TF: variants seen among roughly 807,000 people sequenced by gnomAD.
The protein encoded by TF is transferrin, also known as serotransferrin.
TF carries 55 observed loss-of-function variants against 82.4 expected under a neutral mutation model. The ratio of observed to expected loss-of-function variants is 0.67; its 90% confidence interval spans 0.54 to 0.84. The LOEUF (loss-of-function observed/expected upper bound fraction) is 0.84, where lower values mean the gene tolerates loss of function less well. Among genes scored for constraint, TF ranks in the 40% least tolerant of loss-of-function variants. TF has a pLI of 0.00. For synonymous variants in TF, 332 were observed against 332.6 expected, an observed-to-expected ratio of 1.00 and a Z score of 0.02; for missense variants, 737 against 868.4, an observed-to-expected ratio of 0.85 and a Z score of 1.90.
intron 2 of TF, among the ~76,000 whole-genome samples, chr3:133,753,170 C>T (rs755315588): frequency 1.2e-4 from 18 of 152,204 alleles, no homozygotes; most frequent in Non-Finnish European, 2.4e-4. Context: ...GTAAGAAGAG[C>T]GTGGCCAGCC....
the TF span, among the ~76,000 whole-genome samples, chr3:133,730,212 G>T: frequency 4.0e-4 from 61 of 152,268 alleles, no homozygotes; most frequent in African/African-American, 1.4e-3. Flanking sequence ...GTCCTAGAGG[G>T]GACAGGAAGG....
the TF span, among the ~76,000 whole-genome samples, chr3:133,681,723 C>A: frequency 6.6e-6 from 1 of 152,212 alleles, no homozygotes; most frequent in African/African-American, 2.4e-5. Flanking sequence ...TGGGTGAAGC[C>A]CACTGCAGCT....
At chr3:133,771,503 C>T (rs1019593367) in intron 14 of TF, among the ~76,000 whole-genome samples, 6 of 151,160 alleles carry the variant, frequency 4.0e-5, no homozygotes, top group South Asian at 2.1e-4. Context: ...TTTGGGAGGC[C>T]GAGGCGGGTG....
In TF at chr3:133,780,633, TAA is replaced by T. The variant is rs1934496184; in HGVS notation, c.*2014_*2015del. On this transcript the variant is annotated 3_prime_UTR_variant, in exon 17 of 17. Transcript: ENST00000402696. Reference sequence around the variant, plus strand: ...GGCCAATCCAATTATACAAGAAAAATAAGTTATAATATTTAAAGAAATGCCAA... The same window carrying T: ...GGCCAATCCAATTATACAAGAAAAATGTTATAATATTTAAAGAAATGCCAA... The T allele has an allele frequency of 6.6e-6, 1 of 152,082 alleles. No homozygotes were observed. The highest frequency in any genetic ancestry group is 1.5e-5 in the Non-Finnish European group (1 of 68,006). The allele number at this position is 152,082 out of a possible 1,614,324, so 9.4% of individuals were successfully genotyped here. A position where few individuals can be genotyped will look rare whatever the true frequency, so the allele number is the denominator to read the frequency against.
the TF span, among the ~76,000 whole-genome samples, chr3:133,737,838 A>T: frequency 6.6e-5 from 10 of 152,346 alleles, no homozygotes; most frequent in Admixed American, 2.0e-4. Context: ...ACCAAGAAAA[A>T]ATAGCCCAGG....
At chr3:133,685,212 TA>T in the TF span, among the ~76,000 whole-genome samples, 1 of 152,198 alleles carries the variant, frequency 6.6e-6, no homozygotes, top group Non-Finnish European at 1.5e-5. Flanking sequence ...CTCAAAATAA[TA>T]AGAGCTATCT....
intron 2 of TF, among the ~76,000 whole-genome samples, chr3:133,749,980 C>G (rs1576355045): frequency 6.6e-6 from 1 of 152,192 alleles, no homozygotes. Context: ...GCTGGCAGTT[C>G]TCTCGATTAG....
chr3:133,730,890 C>G, the TF span, among the ~76,000 whole-genome samples: 1 of 152,060 alleles, frequency 6.6e-6, no homozygotes, highest in African/African-American at 2.4e-5. Flanking sequence ...TAAGTAGATG[C>G]TACCCTAGGG....
Position 133,795,569 on chromosome 3 carries a change from A to C in TF, c.*16949A>C, listed in dbSNP as rs1576376805. 1.7e-5 allele frequency: 2 copies of C among 114,528 alleles called. No homozygotes were observed. The highest frequency in any genetic ancestry group is 6.3e-5 in the African/African-American group (2 of 31,780). The allele number at this position is 114,528 out of a possible 1,614,324, so 7.1% of individuals were successfully genotyped here. A position where few individuals can be genotyped will look rare whatever the true frequency, so the allele number is the denominator to read the frequency against. On this transcript the variant is annotated 3_prime_UTR_variant, in exon 17 of 17. Transcript: ENST00000402696. ...AGTGAGAACCTGACCAAAAAAGTGG[A>C]ATTTTTTTTTTTTTTTTTTTTTTTG...
chr3:133,694,799 C>T, the TF span, among the ~76,000 whole-genome samples: 1 of 152,164 alleles, frequency 6.6e-6, no homozygotes, highest in Non-Finnish European at 1.5e-5. Context: ...AGCTACTACT[C>T]CAAGGCTATC....
chr3:133,692,355 A>G, the TF span, among the ~76,000 whole-genome samples: 2 of 152,278 alleles, frequency 1.3e-5, no homozygotes, highest in East Asian at 1.9e-4. Context: ...GCCCTGGCAT[A>G]TTCCTGGGAC....
chr3:133,759,309 G>T lies in TF; in HGVS notation c.1183G>T (p.Asp395Tyr). The T allele has an allele frequency of 6.2e-6, 10 of 1,613,694 alleles. No individual in the cohort carries two copies. The highest frequency in any genetic ancestry group is 7.6e-6 in the Non-Finnish European group (9 of 1,179,980). ...GTGTGTATCAGCAGAGACCACCGAAGACTGCATCGCCAAGATCATGGTATG... is the reference window on the plus strand; with the variant it reads ...GTGTGTATCAGCAGAGACCACCGAATACTGCATCGCCAAGATCATGGTATG... ...IECVSAETTE[D>Y]CIAKIMNGEA... The change falls in exon 9 of 17, where the codon GAC becomes TAC. Residue 395 changes from aspartate (D) to tyrosine (Y), a missense_variant. Coordinates refer to ENST00000402696, the MANE Select transcript of TF (RefSeq NM_001063.4).
Position 133,766,436 on chromosome 3 carries a change from G to C in TF, c.1486+3G>C. 6.2e-7 allele frequency: 1 copy of C among 1,614,152 alleles called. No homozygotes were observed. The highest frequency in any genetic ancestry group is 1.3e-5 in the African/African-American group (1 of 75,052). On this transcript the variant is annotated splice_donor_region_variant and intron_variant, in intron 12 of 16. Coordinates refer to ENST00000402696, the MANE Select transcript of TF (RefSeq NM_001063.4). The stretch of plus-strand genomic sequence containing the variant: ...TAAGATCAACCACTGCAGATTTGGT[G>C]AGTGAATATTGGGAAGGAGGGCTGG...
chr3:133,730,291 A>AT, the TF span, among the ~76,000 whole-genome samples: 1 of 152,130 alleles, frequency 6.6e-6, no homozygotes. Context: ...TGGAAATGGC[A>AT]TTTTCACATC....
At chr3:133,767,482 CA>C (rs1287201741) in intron 12 of TF, among the ~76,000 whole-genome samples, 5 of 152,332 alleles carry the variant, frequency 3.3e-5, no homozygotes, top group African/African-American at 1.2e-4. Context: ...AGACATGAAG[CA>C]AAGTGTGGCC....
the TF span, among the ~76,000 whole-genome samples, chr3:133,684,447 A>G: frequency 2.0e-5 from 3 of 152,350 alleles, no homozygotes; most frequent in South Asian, 2.1e-4. Flanking sequence ...CAAAATTGAT[A>G]GACCACTAGC....
At chr3:133,693,718 C>G in the TF span, among the ~76,000 whole-genome samples, 1 of 152,208 alleles carries the variant, frequency 6.6e-6, no homozygotes, top group Non-Finnish European at 1.5e-5. Flanking sequence ...ATCCCATGAA[C>G]TACCACAGCC....
the TF span, among the ~76,000 whole-genome samples, chr3:133,695,994 T>G: frequency 6.6e-6 from 1 of 152,214 alleles, no homozygotes; most frequent in Non-Finnish European, 1.5e-5. Context: ...AATGTAACAC[T>G]TGTGAATTGC....
At chr3:133,726,955 T>C in the TF span, among the ~76,000 whole-genome samples, 1 of 152,192 alleles carries the variant, frequency 6.6e-6, no homozygotes, top group Non-Finnish European at 1.5e-5. Flanking sequence ...AGTTTCCATG[T>C]AGTTGAGCGG....
Sources: gnomAD v4.1 joint callset for allele counts (sites outside exome capture counted in the v4.1 genomes callset) on GRCh38, gnomAD v4.1.1 for gene constraint, MANE v1.5 for transcripts, NCBI Gene and HGNC (gene_info 2026-07-23, HGNC 2026-07-21) for gene names.